The following NLRP8 variants were observed in gnomAD, a reference collection of about 807,000 sequenced individuals.
NLRP8 encodes the protein NACHT, LRR and PYD domains-containing protein 8.
In NLRP8, 86 loss-of-function variants were observed where a neutral mutation model predicts 88.7. The ratio of observed to expected loss-of-function variants is 0.97; its 90% CI spans 0.81 to 1.16. The LOEUF (loss-of-function observed/expected upper bound fraction) is 1.16. NLRP8 is among the 50% of genes most tolerant of loss of function. NLRP8 has a pLI of 0.00. For synonymous variants in NLRP8, 504 were observed against 494.6 expected, an observed-to-expected ratio of 1.02 and a Z score of -0.25; for missense variants, 1,342 against 1,286.5, an observed-to-expected ratio of 1.04 and a Z score of -0.66.
intron 2 of NLRP8, 135 bp from the exon 3 acceptor site, chr19:55,954,366 G>A (rs540747387): frequency 1.1e-6 from 1 of 877,120 alleles, no homozygotes; most frequent in East Asian, 2.6e-5. Context: ...GCAGTATCAG[G>A]AAAGGTTATT....
At chr19:55,980,085 A>G (rs566545548) in intron 9 of NLRP8, among the ~76,000 whole-genome samples, 1 of 152,252 alleles carries the variant, frequency 6.6e-6, no homozygotes, top group South Asian at 2.1e-4. Flanking sequence ...CCTATCTGAT[A>G]TCTTCTTTCT....
Position 55,973,544 on chromosome 19 carries a change from T to C in NLRP8, c.2535-108T>C, listed in dbSNP as rs1378208824. 6.1e-6 allele frequency: 6 copies of C among 981,068 alleles called. No individual in the cohort carries two copies. In the African/African-American group the frequency reaches 9.7e-5, roughly 16 times the overall value. 60.8% of individuals were successfully genotyped at this position (981,068 alleles called of 1,614,324 possible). A position where few individuals can be genotyped will look rare whatever the true frequency, so the allele number is the denominator to read the frequency against. The stretch of plus-strand genomic sequence containing the variant: ...GTCCTGAGTGGTGATGACAGAGGTG[T>C]GAGGATGCTTCTGCATCCAGAGGGA... On this transcript the variant is annotated intron_variant, in intron 6 of 9. Transcript: ENST00000291971.
In NLRP8 at chr19:55,955,286, A is replaced by G. The variant is rs770544052; in HGVS notation, c.1228A>G (p.Met410Val). ...GGTCTGCTCTGGTCTGAAACAGCAA[A>G]TGGAGAGAGGAAACAATCTCACACA... Residue 410 changes from methionine to valine, a missense_variant, in exon 3 of 10, where the codon ATG becomes GTG. Coordinates refer to ENST00000291971, the MANE Select transcript of NLRP8 (RefSeq NM_176811.2). 1.2e-6 allele frequency: 2 copies of G among 1,614,004 alleles called. No individual in the cohort carries two copies. Among genetic ancestry groups the G allele is most frequent in the African/African-American group, 1.3e-5 (1 of 74,906 alleles).
intron 1 of NLRP8, among the ~76,000 whole-genome samples, chr19:55,949,497 C>T (rs536906986): frequency 6.6e-6 from 1 of 152,268 alleles, no homozygotes; most frequent in Non-Finnish European, 1.5e-5. Flanking sequence ...CTCGGCCTCC[C>T]AAAGTGCTGG....
intron 3 of NLRP8, among the ~76,000 whole-genome samples, chr19:55,959,436 TCTC>T (rs921554456): frequency 1.3e-4 from 19 of 151,458 alleles, no homozygotes; most frequent in African/African-American, 4.6e-4. Context: ...ATGGTCTTGA[TCTC>T]CTGACCTCAT....
intron 5 of NLRP8, among the ~76,000 whole-genome samples, chr19:55,968,510 G>A (rs879376126): frequency 2.0e-5 from 3 of 151,996 alleles, no homozygotes; most frequent in Non-Finnish European, 4.4e-5. Flanking sequence ...GGAGGTCAAG[G>A]TGGGTGGATC....
intron 6 of NLRP8, among the ~76,000 whole-genome samples, chr19:55,971,593 A>G (rs1488828015): frequency 6.6e-6 from 1 of 152,124 alleles, no homozygotes; most frequent in African/African-American, 2.4e-5. Flanking sequence ...CCAAGAATTT[A>G]GTTATTCATT....
At chr19:55,953,393 G>T (rs1045161833) in intron 2 of NLRP8, among the ~76,000 whole-genome samples, 2 of 152,134 alleles carry the variant, frequency 1.3e-5, no homozygotes, top group Non-Finnish European at 1.5e-5. Flanking sequence ...TAATGCACTT[G>T]AATTATCCCA....
rs147786062 is a variant in NLRP8, at chr19:55,984,381, G to A, written c.3048-3433G>A. 1.5e-3 allele frequency among the ~76,000 whole-genome samples: 223 copies of A among 152,064 alleles called. 1 individual carries two copies. Among genetic ancestry groups the A allele is most frequent in the African/African-American group, 5.2e-3 (216 of 41,490 alleles). ...TAAACAATAACAGTTGTGGCCGGGC[G>A]CAGTGGCTCACGCCTGTAATCACAG... On this transcript the variant is annotated intron_variant, in intron 9 of 9. Transcript: ENST00000291971.
At position 55,973,587 on chromosome 19, in the gene NLRP8, A is replaced by G. The variant is rs1980172049; in HGVS notation, c.2535-65A>G. ...CAGAGGGAGAGCCCTGACTGAGAAG[A>G]TCACCCTTCTGTGTGAGACAAAGAC... On this transcript the variant is annotated intron_variant, in intron 6 of 9. Coordinates refer to ENST00000291971, the MANE Select transcript of NLRP8 (RefSeq NM_176811.2). The G allele has an allele frequency of 9.1e-6, 13 of 1,421,136 alleles. No individual in the cohort carries two copies. The South Asian group carries it at 1.9e-4, about 21-fold the overall frequency. The allele number at this position is 1,421,136 out of a possible 1,614,324, so 88.0% of individuals were successfully genotyped here.
chr19:55,971,659 A>G (rs1305975792), intron 6 of NLRP8, among the ~76,000 whole-genome samples: 1 of 123,044 alleles, frequency 8.1e-6, no homozygotes, highest in African/African-American at 3.9e-5. Context: ...ACAGACACAC[A>G]CACACACGCA....
At position 55,948,003 on chromosome 19, in the gene NLRP8, G is replaced by C. The variant is rs1793727667; in HGVS notation, c.101G>C (p.Gly34Ala). 5.0e-6 allele frequency: 8 copies of C among 1,613,810 alleles called. No homozygotes were observed. The highest frequency in any genetic ancestry group is 2.5e-6 in the Non-Finnish European group (3 of 1,179,978). The change falls in exon 1 of 10, where the codon GGC becomes GCC. Residue 34 changes from glycine to alanine, a missense_variant. Gly to Ala is a moderately conservative substitution (Grantham distance 60). Transcript: ENST00000291971. Reference sequence around the variant, plus strand: ...CCCTGGACATTCTCTTGCTACCCCGGCTCCCCATGTGAAAATGGGGTCATG... The same window carrying C: ...CCCTGGACATTCTCTTGCTACCCCGCCTCCCCATGTGAAAATGGGGTCATG...
At chr19:55,952,416 G>C in intron 1 of NLRP8, 122 bp from the exon 2 acceptor site, 1 of 713,860 alleles carries the variant, frequency 1.4e-6, no homozygotes. Context: ...GAGGTGGTGA[G>C]AGGATGAGAC....
Position 55,956,085 on chromosome 19 carries a change from C to G in NLRP8, c.2027C>G (p.Ser676Cys). ...AACGTGTGGAAGCTCAGCTCCAGCTCCCATCCTGGCTCTGAGTAAGTGCTT... is the reference window on the plus strand; with the variant it reads ...AACGTGTGGAAGCTCAGCTCCAGCTGCCATCCTGGCTCTGAGTAAGTGCTT... Residue 676 changes from serine to cysteine, a missense_variant, in exon 3 of 10, where the codon TCC becomes TGC. Transcript: ENST00000291971. 6.2e-7 allele frequency: 1 copy of G among 1,612,542 alleles called. No individual in the cohort carries two copies. The highest frequency in any genetic ancestry group is 8.5e-7 in the Non-Finnish European group (1 of 1,179,072).
chr19:55,962,141 A>G lies in NLRP8; in HGVS notation c.2117A>G (p.Glu706Gly). ...GTGTTTGCAACGAATGATAAGCTGG[A>G]AGTCCTGACTATGACCAACAGTGTT... is the stretch of plus-strand genomic sequence containing the variant. Residue 706 changes from glutamate to glycine, a missense_variant, in exon 4 of 10, where the codon GAA (glutamate) becomes GGA (glycine). Physicochemically the swap from Glu to Gly is moderately conservative, Grantham distance 98. Transcript: ENST00000291971. 1 of 1,614,190 alleles carries G rather than the reference A, an allele frequency of 6.2e-7. No homozygotes were observed. Among genetic ancestry groups the G allele is most frequent in the Non-Finnish European group, 8.5e-7 (1 of 1,180,026 alleles).
At chr19:55,957,559 A>ATG (rs1979409457) in intron 3 of NLRP8, among the ~76,000 whole-genome samples, 1 of 151,238 alleles carries the variant, frequency 6.6e-6, no homozygotes, top group Non-Finnish European at 1.5e-5. Context: ...GGTGGCGGGC[A>ATG]CCTGTAATCC....
At chr19:55,985,417 A>G (rs1980763362) in intron 9 of NLRP8, among the ~76,000 whole-genome samples, 1 of 152,226 alleles carries the variant, frequency 6.6e-6, no homozygotes, top group African/African-American at 2.4e-5. Flanking sequence ...CTAGGGAAAC[A>G]GAATAGAGTC....
chr19:55,983,311 A>G (rs566730108), intron 9 of NLRP8, among the ~76,000 whole-genome samples: 1 of 151,800 alleles, frequency 6.6e-6, no homozygotes, highest in East Asian at 2.0e-4. Flanking sequence ...TAAAAATACA[A>G]AAATTAGCCG....
At chr19:55,948,434 T>A (rs1978951102) in intron 1 of NLRP8, among the ~76,000 whole-genome samples, 165 bp downstream of exon 1, 1 of 152,112 alleles carries the variant, frequency 6.6e-6, no homozygotes, top group South Asian at 2.1e-4. Flanking sequence ...TACGGGCATT[T>A]TTTTAATTTT....
Sources: allele counts gnomAD v4.1 joint callset (sites outside exome capture counted in the v4.1 genomes callset), GRCh38; gene constraint gnomAD v4.1.1; transcripts MANE v1.5; gene names NCBI Gene and HGNC (gene_info 2026-07-23, HGNC 2026-07-21).